CDK5RAP2: variants seen among roughly 807,000 people sequenced by gnomAD.
The protein encoded by CDK5RAP2 is CDK5 regulatory subunit-associated protein 2.
CDK5RAP2 carries 147 observed loss-of-function variants against 232.9 expected under a neutral mutation model. The ratio of observed to expected loss-of-function variants is 0.63; its 90% CI spans 0.55 to 0.72. The LOEUF is 0.72. CDK5RAP2 is among the 30% of genes least tolerant of loss of function. The probability of loss-of-function intolerance (pLI) is 0.00; values close to 1 mark genes in which losing one functional copy is unlikely to be tolerated. For missense variants in CDK5RAP2, 2,195 were observed against 2,231.5 expected, an observed-to-expected ratio of 0.98 and a Z score of 0.33; for synonymous variants, 833 against 833.7, an observed-to-expected ratio of 1.00 and a Z score of 0.01.
intron 36 of CDK5RAP2, among the ~76,000 whole-genome samples, chr9:120,392,950 C>T (rs1564159651): frequency 6.6e-6 from 1 of 152,214 alleles, no homozygotes; most frequent in Non-Finnish European, 1.5e-5. Context: ...CCCTGCTGCT[C>T]GTCCTGGAGT....
intron 10 of CDK5RAP2, among the ~76,000 whole-genome samples, chr9:120,525,483 G>A (rs1431008024): frequency 6.6e-6 from 1 of 152,066 alleles, no homozygotes; most frequent in Non-Finnish European, 1.5e-5. Flanking sequence ...ATACCCCGGA[G>A]TTGGCCATGA....
At chr9:120,454,644 T>A (rs1370106016) in intron 20 of CDK5RAP2, among the ~76,000 whole-genome samples, 1 of 152,178 alleles carries the variant, frequency 6.6e-6, no homozygotes, top group Non-Finnish European at 1.5e-5. Flanking sequence ...CCTCTACGTC[T>A]CTGCTGCCTT....
At position 120,579,904 on chromosome 9, in the gene CDK5RAP2, A is replaced by G; in HGVS notation, c.59+16T>C. On this transcript the variant is annotated intron_variant, in intron 1 of 37. Coordinates refer to ENST00000349780, the MANE Select transcript of CDK5RAP2 (RefSeq NM_018249.6). ...CCCCGGCCCGGTTACCACGACCACC[A>G]ATGCCCCGGCCGCACCTGCAGCCGC... is the stretch of plus-strand genomic sequence containing the variant. The G allele has an allele frequency of 6.2e-7, 1 of 1,608,312 alleles. No individual in the cohort carries two copies.
In CDK5RAP2 at chr9:120,403,745, C is replaced by T. The variant is rs897269565; in HGVS notation, c.5041+291G>A. On this transcript the variant is annotated intron_variant, in intron 33 of 37. Transcript: ENST00000349780. This position sits in a 1 kb window ranked among gnomAD's most constrained non-coding sequence, Gnocchi z 4.2. ...CACCAGGTTAAGGGATAAGGCTGGA[C>T]GGACCCACTGGAGCTGGATCCTGGA... 101 of 470,248 alleles carry T rather than the reference C, an allele frequency of 2.1e-4. No individual in the cohort carries two copies. In the Admixed American group the frequency reaches 2.3e-3, roughly 11 times the overall value. The allele number at this position is 470,248 out of a possible 1,614,324, so 29.1% of individuals were successfully genotyped here.
At chr9:120,544,143 T>C (rs1231417750) in intron 5 of CDK5RAP2, among the ~76,000 whole-genome samples, 1 of 152,134 alleles carries the variant, frequency 6.6e-6, no homozygotes, top group Non-Finnish European at 1.5e-5. Context: ...TATACACATA[T>C]AAACATGTGC....
Position 120,539,150 on chromosome 9 carries a change from C to G in CDK5RAP2, c.398G>C (p.Ser133Thr), listed in dbSNP as rs542965508. ...LLIKASKAVESLAEAGGSEIQ... is the reference protein window; with the variant it reads ...LLIKASKAVETLAEAGGSEIQ... ...TTCAGAGCCACCTGCTTCAGCTAAG[C>G]TCTCAACTGCTTTGCTGCAAAAAGA... is the stretch of plus-strand genomic sequence containing the variant. Residue 133 changes from serine to threonine, a missense_variant, in exon 6 of 38, where the codon AGC becomes ACC. Physicochemically the swap from Ser to Thr is moderately conservative, Grantham distance 58. Transcript: ENST00000349780. 1 of 1,613,940 alleles carries G rather than the reference C, an allele frequency of 6.2e-7. No homozygotes were observed. The highest frequency in any genetic ancestry group is 1.1e-5 in the South Asian group (1 of 91,076).
chr9:120,573,929 T>C (rs2042942598), intron 1 of CDK5RAP2, among the ~76,000 whole-genome samples: 1 of 152,180 alleles, frequency 6.6e-6, no homozygotes, highest in African/African-American at 2.4e-5. Flanking sequence ...TACACCAGGT[T>C]ATTGGCCAAG....
intron 12 of CDK5RAP2, among the ~76,000 whole-genome samples, chr9:120,494,171 G>C (rs2039043161): frequency 6.7e-6 from 1 of 149,414 alleles, no homozygotes; most frequent in South Asian, 2.1e-4. Context: ...CACACACACA[G>C]AGAATTGGAA....
chr9:120,497,179 A>G (rs559205121), intron 12 of CDK5RAP2, among the ~76,000 whole-genome samples: 1 of 131,680 alleles, frequency 7.6e-6, no homozygotes, highest in South Asian at 2.4e-4. Context: ...GGGCGGTGCA[A>G]GATGTGCTTT....
chr9:120,476,220 GAA>G (rs886584108), intron 15 of CDK5RAP2, among the ~76,000 whole-genome samples: 1 of 138,410 alleles, frequency 7.2e-6, no homozygotes. Context: ...TATACAAAAG[GAA>G]AAAAAAAAAA....
intron 12 of CDK5RAP2, among the ~76,000 whole-genome samples, chr9:120,513,889 C>T (rs1172084333): frequency 6.6e-6 from 1 of 152,180 alleles, no homozygotes; most frequent in Non-Finnish European, 1.5e-5. Flanking sequence ...AAATAAGGAG[C>T]CTAGTTACCA....
chr9:120,508,596 T>A (rs2039939288), intron 12 of CDK5RAP2, among the ~76,000 whole-genome samples: 1 of 152,128 alleles, frequency 6.6e-6, no homozygotes, highest in African/African-American at 2.4e-5. Flanking sequence ...CCAGCCCCAC[T>A]CACTGTTCCC....
intron 12 of CDK5RAP2, among the ~76,000 whole-genome samples, chr9:120,518,162 ACT>A (rs1343122014): frequency 2.4e-5 from 2 of 83,456 alleles, no homozygotes; most frequent in South Asian, 4.9e-4. Context: ...CTCGATAACA[ACT>A]CTGTGTGTGT....
intron 36 of CDK5RAP2, among the ~76,000 whole-genome samples, chr9:120,390,676 A>C (rs1470747687): frequency 6.6e-6 from 1 of 152,160 alleles, no homozygotes; most frequent in Admixed American, 6.5e-5. Context: ...GCTTGGTGAG[A>C]GTAAGATCAG....
chr9:120,521,625 G>C (rs914058579), intron 11 of CDK5RAP2, among the ~76,000 whole-genome samples: 6 of 150,198 alleles, frequency 4.0e-5, no homozygotes, highest in Non-Finnish European at 7.4e-5. Flanking sequence ...AGAATTGTGA[G>C]TCCATTAAAC....
chr9:120,454,559 A>G lies in CDK5RAP2; in HGVS notation c.2376-686T>C, dbSNP rs566692463. ...CAGATGCTTTTCATGTCCTTGCCAC[A>G]TACCCTTGGCCCACCTCTGACTTCA... On this transcript the variant is annotated intron_variant, in intron 20 of 37. Transcript: ENST00000349780. 2.0e-5 allele frequency among the ~76,000 whole-genome samples: 3 copies of G among 152,346 alleles called. No individual in the cohort carries two copies. In the East Asian group the frequency reaches 5.8e-4, roughly 29 times the overall value.
At chr9:120,440,744 C>G (rs1489943566) in intron 23 of CDK5RAP2, among the ~76,000 whole-genome samples, 1 of 152,184 alleles carries the variant, frequency 6.6e-6, no homozygotes, top group African/African-American at 2.4e-5. Flanking sequence ...ACATTCTCGG[C>G]GTCTAGTACA....
In CDK5RAP2 at chr9:120,572,122, C is replaced by T. The variant is rs2042878035; in HGVS notation, c.60-81G>A. The T allele has an allele frequency of 4.6e-6, 5 of 1,081,946 alleles. No homozygotes were observed. The Admixed American group carries it at 8.5e-5, about 18-fold the overall frequency. 67.0% of individuals were successfully genotyped at this position (1,081,946 alleles called of 1,614,324 possible). A position where few individuals can be genotyped will look rare whatever the true frequency, so the allele number is the denominator to read the frequency against. Reference sequence around the variant, plus strand: ...TTAAGACGGTCTGGACTGCACATGACAATCATCCCATGGCCAGGAGGGATG... The same window carrying T: ...TTAAGACGGTCTGGACTGCACATGATAATCATCCCATGGCCAGGAGGGATG... On this transcript the variant is annotated intron_variant, in intron 1 of 37. Transcript: ENST00000349780.
At chr9:120,575,130 C>T (rs948797799) in intron 1 of CDK5RAP2, among the ~76,000 whole-genome samples, 2 of 152,156 alleles carry the variant, frequency 1.3e-5, no homozygotes, top group Non-Finnish European at 2.9e-5. Context: ...CAGCTCATTG[C>T]AACCTCCACC....
Sources: gnomAD v4.1 joint callset for allele counts (sites outside exome capture counted in the v4.1 genomes callset) on GRCh38, gnomAD v4.1.1 for gene constraint, Gnocchi (gnomAD v3.1) non-coding constraint, MANE v1.5 for transcripts, NCBI Gene and HGNC (gene_info 2026-07-23, HGNC 2026-07-21) for gene names.